Variants in ZNF257 observed in about 807,000 individuals in gnomAD.
ZNF257 encodes the protein bone marrow zinc finger 4.
Under a neutral mutation model 11.9 loss-of-function variants are expected in ZNF257, and 12 were observed. That is an observed-to-expected ratio of 1.01 (90% CI 0.65 to 1.63). ZNF257 has a LOEUF of 1.63. ZNF257 is among the 40% of genes most tolerant of loss of function. The probability of loss-of-function intolerance (pLI) is 0.00; values close to 1 mark genes in which losing one functional copy is unlikely to be tolerated. For missense variants in ZNF257, 580 were observed against 665.5 expected, an observed-to-expected ratio of 0.87 and a Z score of 1.41; for synonymous variants, 183 against 222.7, an observed-to-expected ratio of 0.82 and a Z score of 1.59.
At chr19:22,068,626 A>C (rs1362091096) in intron 1 of ZNF257, among the ~76,000 whole-genome samples, 1 of 152,174 alleles carries the variant, frequency 6.6e-6, no homozygotes, top group Non-Finnish European at 1.5e-5. Context: ...CTGCAGTTAC[A>C]TGAGAGGATC....
Position 22,089,448 on chromosome 19 carries a change from A to G in ZNF257, c.*6A>G, listed in dbSNP as rs2022576847. 1 of 1,601,916 alleles carries G rather than the reference A, an allele frequency of 6.2e-7. No homozygotes were observed. The highest frequency in any genetic ancestry group is 1.3e-5 in the African/African-American group (1 of 74,388). On this transcript the variant is annotated 3_prime_UTR_variant, in exon 4 of 4. Transcript: ENST00000594947. The stretch of plus-strand genomic sequence containing the variant: ...TTACTAAACATAATTCATAATGGAG[A>G]AAAACCCTACAAATGTGAAGAATGT...
At chr19:22,087,826 C>T in intron 3 of ZNF257, 151 bp from the exon 4 acceptor site, 1 of 829,894 alleles carries the variant, frequency 1.2e-6, no homozygotes, top group East Asian at 3.2e-5. Context: ...GTTTTTGTTA[C>T]ATTTTATATG....
At chr19:22,075,014 G>A (rs1420544139) in intron 3 of ZNF257, among the ~76,000 whole-genome samples, 2 of 152,178 alleles carry the variant, frequency 1.3e-5, no homozygotes, top group African/African-American at 4.8e-5. Flanking sequence ...ACCTCTTCAA[G>A]TTTCTATAAA....
intron 1 of ZNF257, among the ~76,000 whole-genome samples, chr19:22,068,407 A>G (rs763112724): frequency 3.3e-5 from 5 of 152,166 alleles, no homozygotes; most frequent in Non-Finnish European, 5.9e-5. Flanking sequence ...ACACCCAAGA[A>G]TGCAGAGCCA....
In ZNF257 at chr19:22,086,610, T is replaced by A. The variant is rs1485124776; in HGVS notation, c.227-1367T>A. ...TTTGATCTATATAGGCCATATGCAG[T>A]GCCAATATACTGTCTCGGGATTTGG... On this transcript the variant is annotated intron_variant, in intron 3 of 3. Coordinates refer to ENST00000594947, the MANE Select transcript of ZNF257 (RefSeq NM_033468.4). Among the ~76,000 whole-genome samples, 3 of 152,064 alleles carry A rather than the reference T, an allele frequency of 2.0e-5. No individual in the cohort carries two copies. The East Asian group carries it at 5.8e-4, about 29-fold the overall frequency.
At chr19:22,054,093 G>T (rs1409760777) in intron 1 of ZNF257, among the ~76,000 whole-genome samples, 8 of 143,648 alleles carry the variant, frequency 5.6e-5, no homozygotes, top group African/African-American at 1.8e-4. Context: ...TTTTTTTTAA[G>T]AAGGAGTTTC....
chr19:22,052,703 G>A, intron 1 of ZNF257, 68 bp downstream of exon 1: 2 of 1,580,432 alleles, frequency 1.3e-6, no homozygotes, highest in Non-Finnish European at 1.7e-6. Flanking sequence ...GGAAGTCGCT[G>A]TGGCGGGACT....
At position 22,072,823 on chromosome 19, in the gene ZNF257, T is replaced by G. The variant is rs528858156; in HGVS notation, c.18T>G (p.Ile6Met). MGPLT[I>M]RDVTVEFSLE... ...GTGTTTTTCAGGGACCACTGACAAT[T>G]AGGGATGTGACTGTAGAATTCTCTC... The change falls in exon 2 of 4, where the codon ATT becomes ATG. Residue 6 changes from isoleucine to methionine, a missense_variant. By Grantham distance (10) the Ile-to-Met change is conservative. Coordinates refer to ENST00000594947, the MANE Select transcript of ZNF257 (RefSeq NM_033468.4). 17 of 1,612,022 alleles carry G rather than the reference T, an allele frequency of 1.1e-5. No homozygotes were observed. In the South Asian group the frequency reaches 1.9e-4, roughly 18 times the overall value.
rs1386506364 is a variant in ZNF257, at chr19:22,063,464, C to G, written c.4-9345C>G. ...TGATATTAGGTCACTAAATTAAGAT[C>G]TTTCTAACATTTCGATGTGAGCATT... is the stretch of plus-strand genomic sequence containing the variant. On this transcript the variant is annotated intron_variant, in intron 1 of 3. Coordinates refer to ENST00000594947, the MANE Select transcript of ZNF257 (RefSeq NM_033468.4). Among the ~76,000 whole-genome samples the G allele has an allele frequency of 2.6e-5, 4 of 152,130 alleles. No homozygotes were observed. In the East Asian group the frequency reaches 5.8e-4, roughly 22 times the overall value.
intron 1 of ZNF257, 69 bp downstream of exon 1, chr19:22,052,704 T>A: frequency 1.3e-6 from 2 of 1,580,234 alleles, no homozygotes; most frequent in Non-Finnish European, 1.7e-6. Context: ...GAAGTCGCTG[T>A]GGCGGGACTC....
chr19:22,089,530 A>G lies in ZNF257; in HGVS notation c.*88A>G. 6.6e-7 allele frequency: 1 copy of G among 1,508,380 alleles called. No homozygotes were observed. The highest frequency in any genetic ancestry group is 2.4e-5 in the East Asian group (1 of 41,346). The allele number at this position is 1,508,380 out of a possible 1,614,324, so 93.4% of individuals were successfully genotyped here. ...CTAAACATAAGGGAATTCATAATAG[A>G]GAAACCCTACAAATGTGAAGAACGT... On this transcript the variant is annotated 3_prime_UTR_variant, in exon 4 of 4. Coordinates refer to ENST00000594947, the MANE Select transcript of ZNF257 (RefSeq NM_033468.4).
intron 3 of ZNF257, among the ~76,000 whole-genome samples, chr19:22,082,308 G>A (rs1001672175): frequency 2.6e-5 from 4 of 152,070 alleles, no homozygotes; most frequent in Non-Finnish European, 5.9e-5. Context: ...ATATGATGCT[G>A]TGCGAATTTT....
At chr19:22,086,848 T>C (rs999104955) in intron 3 of ZNF257, among the ~76,000 whole-genome samples, 15 of 152,036 alleles carry the variant, frequency 9.9e-5, no homozygotes, top group Non-Finnish European at 2.1e-4. Context: ...GTTCTTGAGA[T>C]TGTCTCGTCT....
chr19:22,081,780 T>G (rs1198657628), intron 3 of ZNF257, among the ~76,000 whole-genome samples: 1 of 152,132 alleles, frequency 6.6e-6, no homozygotes, highest in African/African-American at 2.4e-5. Flanking sequence ...TCAGCCCACC[T>G]TGGCCTCCCA....
chr19:22,068,463 G>A (rs1366351923), intron 1 of ZNF257, among the ~76,000 whole-genome samples: 1 of 152,094 alleles, frequency 6.6e-6, no homozygotes, highest in South Asian at 2.1e-4. Flanking sequence ...ATCTCTGCCT[G>A]AGATTCACAA....
At chr19:22,074,246 C>A (rs7254363) in intron 3 of ZNF257, 1 of 151,826 alleles carries the variant, frequency 6.6e-6, no homozygotes, top group East Asian at 1.9e-4. Flanking sequence ...GAAACATTTT[C>A]AAATTTATTT....
rs745750852 is a variant in ZNF257, at chr19:22,088,298, G to T, written c.548G>T (p.Cys183Phe). 1 of 1,613,654 alleles carries T rather than the reference G, an allele frequency of 6.2e-7. No individual in the cohort carries two copies. Among genetic ancestry groups the T allele is most frequent in the Admixed American group, 1.7e-5 (1 of 59,978 alleles). Residue 183 changes from cysteine (C) to phenylalanine (F), a missense_variant, in exon 4 of 4, where the codon TGC becomes TTC. By Grantham distance (205) the Cys-to-Phe change is radical (BLOSUM62 -2). Transcript: ENST00000594947. ...CKCKECGKSF[C>F]MLSQLTRHKR... ...TGTAAAGAATGTGGCAAATCATTTTGCATGCTTTCACAACTAACTCGACAT... is the reference window on the plus strand; with the variant it reads ...TGTAAAGAATGTGGCAAATCATTTTTCATGCTTTCACAACTAACTCGACAT...
chr19:22,053,125 C>G (rs1404227694), intron 1 of ZNF257, among the ~76,000 whole-genome samples: 1 of 152,128 alleles, frequency 6.6e-6, no homozygotes, highest in African/African-American at 2.4e-5. Flanking sequence ...AATCCCAGCA[C>G]TTTGGGAGGC....
rs774988009 is a variant in ZNF257, at chr19:22,073,534, A to G, written c.196A>G (p.Lys66Glu). 12 of 1,612,134 alleles carry G rather than the reference A, an allele frequency of 7.4e-6. No individual in the cohort carries two copies. The highest frequency in any genetic ancestry group is 1.7e-5 in the Admixed American group (1 of 59,830). ...LEQGKEPCNM[K>E]RHEMVAKPPV... is the part of the protein sequence containing the mutation. ...GCAAGGAAAAGAGCCCTGTAATATGAAGAGACATGAGATGGTAGCCAAACC... is the reference window on the plus strand; with the variant it reads ...GCAAGGAAAAGAGCCCTGTAATATGGAGAGACATGAGATGGTAGCCAAACC... The change falls in exon 3 of 4, where the codon AAG becomes GAG. Residue 66 changes from lysine to glutamate, a missense_variant. By Grantham distance (56) the Lys-to-Glu change is moderately conservative. Coordinates refer to ENST00000594947, the MANE Select transcript of ZNF257 (RefSeq NM_033468.4).
Sources: allele counts gnomAD v4.1 joint callset (sites outside exome capture counted in the v4.1 genomes callset), GRCh38; gene constraint gnomAD v4.1.1; transcripts MANE v1.5; gene names NCBI Gene and HGNC (gene_info 2026-07-23, HGNC 2026-07-21).